Variants in PPP1R37 observed in about 807,000 individuals in gnomAD.
PPP1R37 encodes protein phosphatase 1 regulatory subunit 37.
Under a neutral mutation model 61.0 loss-of-function variants are expected in PPP1R37, and 21 were observed. The observed-to-expected ratio is 0.34, with a 90% CI of 0.24 to 0.50. The LOEUF is 0.50. Among genes scored for constraint, PPP1R37 ranks in the 20% least tolerant of loss-of-function variants. PPP1R37 has a pLI of 0.98. For synonymous variants in PPP1R37, 443 were observed against 433.5 expected, an observed-to-expected ratio of 1.02 and a Z score of -0.27; for missense variants, 910 against 952.7, an observed-to-expected ratio of 0.96 and a Z score of 0.59.
At chr19:45,136,119 A>T (rs1968536790) in intron 1 of PPP1R37, 6 of 152,142 alleles carry the variant, frequency 3.9e-5, no homozygotes, top group Admixed American at 2.6e-4. Flanking sequence ...ATTAAATAGG[A>T]TTGCAAAGGA....
Position 45,130,100 on chromosome 19 carries a change from TC to T in PPP1R37, c.203-8413del, listed in dbSNP as rs1360167033. Among the ~76,000 whole-genome samples, 2 of 152,070 alleles carry T rather than the reference TC, an allele frequency of 1.3e-5. No homozygotes were observed. Among genetic ancestry groups the T allele is most frequent in the African/African-American group, 4.8e-5 (2 of 41,410 alleles). ...GGATGCCTGGGCTGCAGGCATTGAC[TC>T]GCCTGTGTCCCACAACCCCTCTTGG... On this transcript the variant is annotated intron_variant, in intron 1 of 12. Coordinates refer to ENST00000221462, the MANE Select transcript of PPP1R37 (RefSeq NM_019121.2). This position sits in a 1 kb window ranked among gnomAD's most constrained non-coding sequence, Gnocchi z 4.4.
intron 8 of PPP1R37, 143 bp from the exon 9 acceptor site, chr19:45,144,711 G>C: frequency 4.4e-6 from 3 of 686,624 alleles, no homozygotes; most frequent in Non-Finnish European, 7.1e-6. Context: ...GGCAGGGCAG[G>C]ACGGCGCCGG....
At chr19:45,093,787 A>G (rs1334643901) in intron 1 of PPP1R37, among the ~76,000 whole-genome samples, 1 of 152,190 alleles carries the variant, frequency 6.6e-6, no homozygotes, top group Non-Finnish European at 1.5e-5. Flanking sequence ...ACGATGAGCA[A>G]TTAAAGAAAG....
chr19:45,111,261 T>G (rs1028975429), intron 1 of PPP1R37, among the ~76,000 whole-genome samples: 8 of 78,150 alleles, frequency 1.0e-4, no homozygotes, highest in African/African-American at 6.8e-4. Context: ...GCTTTTTAAT[T>G]ATTATTATTA....
chr19:45,101,879 T>C (rs1285631418), intron 1 of PPP1R37, among the ~76,000 whole-genome samples: 3 of 152,212 alleles, frequency 2.0e-5, no homozygotes, highest in Non-Finnish European at 4.4e-5. Flanking sequence ...TAGCTGACAC[T>C]TGACTTCATT....
At chr19:45,114,488 A>G (rs1248373508) in intron 1 of PPP1R37, among the ~76,000 whole-genome samples, 1 of 152,184 alleles carries the variant, frequency 6.6e-6, no homozygotes, top group Non-Finnish European at 1.5e-5. Context: ...CTAGGACCCC[A>G]CATCCTCCCT....
At chr19:45,098,289 C>T (rs1450588762) in intron 1 of PPP1R37, among the ~76,000 whole-genome samples, 1 of 152,242 alleles carries the variant, frequency 6.6e-6, no homozygotes, top group African/African-American at 2.4e-5. Context: ...AAGGCCAAGG[C>T]CAGACTTACA....
At position 45,142,126 on chromosome 19, in the gene PPP1R37, G is replaced by A; in HGVS notation, c.633G>A (p.Val211=). The change falls in exon 6 of 13, where the codon GTG becomes GTA. Residue 211 remains valine, a synonymous_variant. Transcript: ENST00000221462. ...TPLLDHSAPF[V]ARALRIRSSL... is the part of the protein sequence containing the mutation. ...TGCTGGACCACTCGGCGCCCTTCGT[G>A]GCCCGTGCCCTGCGCATCCGCAGCA... 3 of 1,535,088 alleles carry A rather than the reference G, an allele frequency of 2.0e-6. No homozygotes were observed. Among genetic ancestry groups the A allele is most frequent in the Non-Finnish European group, 2.6e-6 (3 of 1,146,496 alleles).
intron 1 of PPP1R37, among the ~76,000 whole-genome samples, chr19:45,102,068 C>G (rs78053704): frequency 0.023 from 3,578 of 152,286 alleles, 144 homozygotes; most frequent in African/African-American, 0.082. Flanking sequence ...GACATCCTGC[C>G]CCTGCATGGG....
rs960109500 is a variant in PPP1R37, at chr19:45,146,745, C to T, written c.*183C>T. On this transcript the variant is annotated 3_prime_UTR_variant, in exon 13 of 13. Transcript: ENST00000221462. ...AGGAGCTACAGGGAGTGGCCCTCCG[C>T]GCGTGACTCAAGCACTTCTATTTAT... The T allele has an allele frequency of 7.2e-5, 30 of 415,290 alleles. No homozygotes were observed. The highest frequency in any genetic ancestry group is 4.3e-4 in the African/African-American group (21 of 48,966). The allele number at this position is 415,290 out of a possible 1,614,324, so 25.7% of individuals were successfully genotyped here. A position where few individuals can be genotyped will look rare whatever the true frequency, so the allele number is the denominator to read the frequency against.
chr19:45,145,023 G>C (rs1468210382), intron 9 of PPP1R37, 28 bp downstream of exon 9: 3 of 1,525,864 alleles, frequency 2.0e-6, no homozygotes, highest in South Asian at 1.2e-5. Flanking sequence ...GCCAGGGTGC[G>C]GGCTGGTGGG....
At chr19:45,111,993 C>T (rs1234473025) in intron 1 of PPP1R37, among the ~76,000 whole-genome samples, 1 of 150,584 alleles carries the variant, frequency 6.6e-6, no homozygotes, top group African/African-American at 2.4e-5. Context: ...TCTTTTGAGA[C>T]AGTCTCGCTC....
chr19:45,104,241 T>C (rs1006632890), intron 1 of PPP1R37, among the ~76,000 whole-genome samples: 11 of 152,182 alleles, frequency 7.2e-5, no homozygotes, highest in African/African-American at 2.7e-4. Context: ...TCTGTTGTTA[T>C]TTGTTCGGGC....
intron 1 of PPP1R37, among the ~76,000 whole-genome samples, chr19:45,124,117 C>T (rs190857789): frequency 9.9e-4 from 151 of 152,306 alleles, no homozygotes; most frequent in African/African-American, 3.3e-3. Context: ...GTGGGGGAGA[C>T]ACACAGGTCT....
chr19:45,130,907 G>C lies in PPP1R37; in HGVS notation c.203-7607G>C, dbSNP rs1448671052. Among the ~76,000 whole-genome samples the C allele has an allele frequency of 1.3e-5, 2 of 152,100 alleles. No individual in the cohort carries two copies. The highest frequency in any genetic ancestry group is 2.9e-5 in the Non-Finnish European group (2 of 68,022). On this transcript the variant is annotated intron_variant, in intron 1 of 12. Transcript: ENST00000221462. The surrounding 1 kb of genome is among the most constrained non-coding windows in gnomAD (Gnocchi z 4.4). ...CTCCCTCCCCATCCCTCCTCTGAGA[G>C]TTGACACCCTCCCACTGTGTCCCCC...
At chr19:45,101,694 T>C (rs1968064862) in intron 1 of PPP1R37, among the ~76,000 whole-genome samples, 1 of 150,856 alleles carries the variant, frequency 6.6e-6, no homozygotes, top group South Asian at 2.1e-4. Flanking sequence ...CTCCAGCCTA[T>C]GTGACAGAGT....
intron 7 of PPP1R37, chr19:45,143,247 G>A: frequency 2.7e-6 from 1 of 377,088 alleles, no homozygotes; most frequent in Non-Finnish European, 4.9e-6. Flanking sequence ...CTGTGGGTGG[G>A]AGTGAGCTGG....
rs773407745 is a variant in PPP1R37, at chr19:45,145,153, C to T, written c.1189C>T (p.Arg397Trp). The T allele has an allele frequency of 3.3e-6, 5 of 1,534,978 alleles. No homozygotes were observed. Among genetic ancestry groups the T allele is most frequent in the Non-Finnish European group, 3.5e-6 (4 of 1,146,456 alleles). The change falls in exon 10 of 13, where the codon CGG (arginine) becomes TGG (tryptophan). Residue 397 changes from arginine (R) to tryptophan (W), a missense_variant. Around this residue, in one of 3 missense-constraint regions of PPP1R37, gnomAD observed 549 missense variants for 505.1 expected, o/e 1.09. Transcript: ENST00000221462. ...CCCCCGCCTCCTGAGACTGGACCTT[C>T]GGGAGAACGAGATCAAGACAGGCGG... ...ESPRLLRLDL[R>W]ENEIKTGGLM...
intron 1 of PPP1R37, among the ~76,000 whole-genome samples, chr19:45,134,243 A>G (rs73034821): frequency 0.021 from 3,190 of 152,178 alleles, 86 homozygotes; most frequent in African/African-American, 0.063. Context: ...GCCTAAAGCA[A>G]TCCTCCTGTC....
Sources: gnomAD v4.1 joint callset for allele counts (sites outside exome capture counted in the v4.1 genomes callset) on GRCh38, gnomAD v4.1.1 for gene constraint, gnomAD v4.1.1 regional missense constraint, Gnocchi (gnomAD v3.1) non-coding constraint, MANE v1.5 for transcripts, NCBI Gene and HGNC (gene_info 2026-07-23, HGNC 2026-07-21) for gene names.